Variants in VAV3 observed in about 807,000 individuals in gnomAD.
The protein encoded by VAV3 is guanine nucleotide exchange factor VAV3.
VAV3 carries 94 observed loss-of-function variants against 131.2 expected under a neutral mutation model. The observed-to-expected ratio is 0.72, with a 90% confidence interval of 0.61 to 0.85. The LOEUF is 0.85. VAV3 is among the 40% of genes least tolerant of loss of function. The pLI, the probability that VAV3 is intolerant of heterozygous loss-of-function variation, is 0.00. For synonymous variants in VAV3, 349 were observed against 342.0 expected, an observed-to-expected ratio of 1.02 and a Z score of -0.22; for missense variants, 939 against 1,002.7, an observed-to-expected ratio of 0.94 and a Z score of 0.86.
chr1:107,661,334 C>T (rs12130964), intron 19 of VAV3, among the ~76,000 whole-genome samples: 22,029 of 152,052 alleles, frequency 0.14, 1,795 homozygotes, highest in Middle Eastern at 0.26. Context: ...TACCATCCTC[C>T]GCGAAGTAAA....
At chr1:107,790,350 C>T (rs1557849031) in intron 2 of VAV3, among the ~76,000 whole-genome samples, 1 of 152,218 alleles carries the variant, frequency 6.6e-6, no homozygotes, top group Admixed American at 6.5e-5. Context: ...CCAGGCCCAG[C>T]CCTGTAGACA....
rs761965251 is a variant in VAV3 at position 107,748,960 on chromosome 1, A to T, written c.1502+8T>A. 6.4e-7 allele frequency: 1 copy of T among 1,562,798 alleles called. No homozygotes were observed. The highest frequency in any genetic ancestry group is 8.7e-7 in the Non-Finnish European group (1 of 1,150,492). ...AATAAAAGCACTTTTAAAAATAGAA[A>T]TACTCACAAAGCCATTTCAAACTGT... On this transcript the variant is annotated splice_region_variant and intron_variant, in intron 15 of 26. Coordinates refer to ENST00000370056, the MANE Select transcript of VAV3 (RefSeq NM_006113.5).
chr1:107,908,820 A>C (rs1244888790), intron 1 of VAV3, among the ~76,000 whole-genome samples: 3 of 129,328 alleles, frequency 2.3e-5, no homozygotes, highest in Non-Finnish European at 4.9e-5. Flanking sequence ...GCCCCACTCA[A>C]ACACACACAC....
At chr1:107,660,441 T>C (rs1421668301) in intron 19 of VAV3, among the ~76,000 whole-genome samples, 2 of 152,218 alleles carry the variant, frequency 1.3e-5, no homozygotes, top group African/African-American at 4.8e-5. Context: ...TGGCAGCTCC[T>C]ATAGACATCC....
chr1:107,594,248 C>T (rs1160164528), intron 25 of VAV3, among the ~76,000 whole-genome samples: 1 of 151,958 alleles, frequency 6.6e-6, no homozygotes, highest in African/African-American at 2.4e-5. Flanking sequence ...CCTGAGTTTC[C>T]CCATTGAAAT....
At chr1:107,615,665 T>G (rs540023187) in intron 21 of VAV3, among the ~76,000 whole-genome samples, 1 of 152,032 alleles carries the variant, frequency 6.6e-6, no homozygotes, top group South Asian at 2.1e-4. Flanking sequence ...ACAGGCAACA[T>G]AGAGAATGGG....
At chr1:107,749,157 C>T (rs1444667502) in intron 14 of VAV3, 80 bp from the exon 15 acceptor site, 8 of 1,049,904 alleles carry the variant, frequency 7.6e-6, no homozygotes, top group Non-Finnish European at 9.7e-6. Flanking sequence ...CACAACTATC[C>T]AAAAACTCCT....
intron 2 of VAV3, among the ~76,000 whole-genome samples, chr1:107,796,654 TG>T (rs1666561353): frequency 6.6e-6 from 1 of 152,092 alleles, no homozygotes; most frequent in Admixed American, 6.5e-5. Flanking sequence ...ATCAAATATT[TG>T]TAAGAGTACT....
At position 107,642,698 on chromosome 1, in the gene VAV3, T is replaced by C. The variant is rs768563869; in HGVS notation, c.1835A>G (p.His612Arg). 1.9e-5 allele frequency: 30 copies of C among 1,613,354 alleles called. 2 individuals are homozygous for C. The South Asian group carries it at 2.9e-4, about 15-fold the overall frequency. Reference protein sequence around the residue: ...NYSGTPPPALHEGPPLQLQAG... With the variant: ...NYSGTPPPALREGPPLQLQAG... The stretch of plus-strand genomic sequence containing the variant: ...CTGGAGCTGTAAAGGGGGTCCTTCA[T>C]GCAGAGCTGGGGGTGGTGTTCCAGA... The change falls in exon 20 of 27, where the codon CAT becomes CGT. Residue 612 changes from histidine (H) to arginine (R), a missense_variant. Physicochemically the swap from His to Arg is conservative, Grantham distance 29. Coordinates refer to ENST00000370056, the MANE Select transcript of VAV3 (RefSeq NM_006113.5).
chr1:107,713,700 A>C (rs934650819), intron 15 of VAV3, among the ~76,000 whole-genome samples: 3 of 152,114 alleles, frequency 2.0e-5, no homozygotes, highest in Non-Finnish European at 4.4e-5. Flanking sequence ...GTGATATATA[A>C]CCAATGTCTT....
chr1:107,903,195 A>C (rs111977751), intron 1 of VAV3, among the ~76,000 whole-genome samples: 3 of 152,188 alleles, frequency 2.0e-5, no homozygotes, highest in Admixed American at 6.5e-5. Flanking sequence ...CAGTTGGTTC[A>C]TAAGAAAAAA....
intron 15 of VAV3, among the ~76,000 whole-genome samples, chr1:107,739,412 C>T (rs1662875700): frequency 6.6e-6 from 1 of 152,176 alleles, no homozygotes; most frequent in African/African-American, 2.4e-5. Context: ...CCTATCCTGA[C>T]TTAACTGCCA....
intron 2 of VAV3, among the ~76,000 whole-genome samples, chr1:107,858,132 T>A (rs528133021): frequency 1.3e-5 from 2 of 152,290 alleles, no homozygotes; most frequent in Non-Finnish European, 2.9e-5. Flanking sequence ...AGTTAACCAC[T>A]CTTAAAGATA....
chr1:107,640,057 A>T (rs1391700469), intron 20 of VAV3, among the ~76,000 whole-genome samples: 1 of 152,200 alleles, frequency 6.6e-6, no homozygotes, highest in Non-Finnish European at 1.5e-5. Flanking sequence ...ACAATTTAAT[A>T]ATTTCTCAAA....
At chr1:107,772,289 A>T (rs1398536625) in intron 5 of VAV3, among the ~76,000 whole-genome samples, 1 of 152,246 alleles carries the variant, frequency 6.6e-6, no homozygotes, top group Non-Finnish European at 1.5e-5. Flanking sequence ...ACCATGAAAC[A>T]AAAGAAAAAT....
rs148926306 is a variant in VAV3, at chr1:107,863,115, C to A, written c.321+11786G>T. 6.3e-4 allele frequency among the ~76,000 whole-genome samples: 96 copies of A among 152,224 alleles called. 3 individuals carry two copies. In the South Asian group the frequency reaches 0.019, roughly 30 times the overall value. ...AGAATTCTCCTACATTAATTTGAAACCCACTGTAAGTTATATTTGCTCTTG... is the reference window on the plus strand; with the variant it reads ...AGAATTCTCCTACATTAATTTGAAAACCACTGTAAGTTATATTTGCTCTTG... On this transcript the variant is annotated intron_variant, in intron 2 of 26. Transcript: ENST00000370056.
chr1:107,597,636 T>C (rs763305025), intron 24 of VAV3, among the ~76,000 whole-genome samples: 9 of 152,100 alleles, frequency 5.9e-5, no homozygotes, highest in Admixed American at 3.9e-4. Flanking sequence ...CAGGGAAAGA[T>C]CATTTTAGGT....
At chr1:107,927,452 G>A (rs1373320008) in intron 1 of VAV3, among the ~76,000 whole-genome samples, 1 of 151,572 alleles carries the variant, frequency 6.6e-6, no homozygotes, top group African/African-American at 2.4e-5. Context: ...TGTACCTTAG[G>A]TACCAGCTCA....
At chr1:107,665,935 T>C (rs189548707) in intron 19 of VAV3, among the ~76,000 whole-genome samples, 15 of 152,280 alleles carry the variant, frequency 9.9e-5, no homozygotes, top group African/African-American at 2.6e-4. Flanking sequence ...AATGCAACTG[T>C]TGAAGGAAGG....
Sources: allele counts gnomAD v4.1 joint callset (sites outside exome capture counted in the v4.1 genomes callset), GRCh38; gene constraint gnomAD v4.1.1; transcripts MANE v1.5; gene names NCBI Gene and HGNC (gene_info 2026-07-23, HGNC 2026-07-21).